Variants in ZNF804B observed in about 807,000 individuals in gnomAD.
ZNF804B encodes the protein zinc finger protein 804B, also known as zinc finger 804B.
ZNF804B carries 80 observed loss-of-function variants against 101.4 expected under a neutral mutation model. The ratio of observed to expected loss-of-function variants is 0.79; its 90% CI spans 0.66 to 0.95. The LOEUF (loss-of-function observed/expected upper bound fraction) is 0.95, where lower values mean the gene tolerates loss of function less well. ZNF804B is among the 40% of genes least tolerant of loss of function. ZNF804B has a pLI of 0.00. For synonymous variants in ZNF804B, 622 were observed against 558.8 expected, an observed-to-expected ratio of 1.11 and a Z score of -1.59; for missense variants, 1,673 against 1,561.9, an observed-to-expected ratio of 1.07 and a Z score of -1.20.
intron 1 of ZNF804B, among the ~76,000 whole-genome samples, chr7:89,139,241 T>A (rs1395963442): frequency 6.6e-6 from 1 of 152,166 alleles, no homozygotes; most frequent in African/African-American, 2.4e-5. Flanking sequence ...TGCTTAAAAT[T>A]GCTAATAATT....
intron 1 of ZNF804B, among the ~76,000 whole-genome samples, chr7:89,158,820 C>T (rs1691925000): frequency 6.6e-6 from 1 of 152,040 alleles, no homozygotes; most frequent in Admixed American, 6.6e-5. Flanking sequence ...CCTTTCTTTA[C>T]CTATCACATT....
intron 1 of ZNF804B, among the ~76,000 whole-genome samples, chr7:88,959,705 A>G (rs142801772): frequency 6.6e-6 from 1 of 151,426 alleles, no homozygotes; most frequent in East Asian, 2.0e-4. Context: ...TCCCACCTCT[A>G]TTGACACAAA....
chr7:88,981,183 T>C (rs1793689084), intron 1 of ZNF804B, among the ~76,000 whole-genome samples: 2 of 152,022 alleles, frequency 1.3e-5, no homozygotes, highest in Non-Finnish European at 2.9e-5. Flanking sequence ...CCACTGACGT[T>C]TATTCAAGGC....
chr7:88,793,046 G>GAA (rs112159815), intron 1 of ZNF804B, among the ~76,000 whole-genome samples: 2 of 148,632 alleles, frequency 1.3e-5, no homozygotes, highest in African/African-American at 4.9e-5. Flanking sequence ...AGCTAAAAAT[G>GAA]AAAAAAAAAT....
intron 1 of ZNF804B, among the ~76,000 whole-genome samples, chr7:89,088,419 T>C (rs1010909862): frequency 2.0e-5 from 3 of 151,938 alleles, no homozygotes; most frequent in Admixed American, 6.6e-5. Flanking sequence ...TAACAAGTTA[T>C]TGCTTATTTG....
At chr7:88,915,141 G>T (rs1051219960) in intron 1 of ZNF804B, among the ~76,000 whole-genome samples, 1 of 151,992 alleles carries the variant, frequency 6.6e-6, no homozygotes, top group African/African-American at 2.4e-5. Context: ...CATTTTAAGA[G>T]AAAATAATTG....
intron 1 of ZNF804B, among the ~76,000 whole-genome samples, chr7:89,085,377 G>A (rs540348370): frequency 7.2e-5 from 11 of 151,930 alleles, no homozygotes; most frequent in South Asian, 2.1e-4. Context: ...ATAGTTTGGG[G>A]CAGAACTCTT....
intron 2 of ZNF804B, among the ~76,000 whole-genome samples, chr7:89,276,458 G>T (rs939129656): frequency 7.9e-5 from 12 of 151,744 alleles, no homozygotes; most frequent in Non-Finnish European, 1.6e-4. Flanking sequence ...TTTATAAGGG[G>T]TTCACTAAAA....
rs371662795 is a variant in ZNF804B, at chr7:89,100,946, G to A, written c.109-117209G>A. Among the ~76,000 whole-genome samples the A allele has an allele frequency of 9.9e-5, 15 of 152,106 alleles. No homozygotes were observed. The East Asian group carries it at 2.9e-3, about 29-fold the overall frequency. ...TATGTGTGTGTGTGTCTGTGTGTATGTGTATATACACAGGTATGTATATAT... is the reference window on the plus strand; with the variant it reads ...TATGTGTGTGTGTGTCTGTGTGTATATGTATATACACAGGTATGTATATAT... On this transcript the variant is annotated intron_variant, in intron 1 of 3. Coordinates refer to ENST00000333190, the MANE Select transcript of ZNF804B (RefSeq NM_181646.5).
chr7:89,251,174 A>G (rs1478328312), intron 2 of ZNF804B, among the ~76,000 whole-genome samples: 1 of 152,180 alleles, frequency 6.6e-6, no homozygotes, highest in Non-Finnish European at 1.5e-5. Flanking sequence ...TGATAATATG[A>G]TTCTATAGCT....
chr7:89,282,953 A>G (rs1790122408), intron 2 of ZNF804B, among the ~76,000 whole-genome samples: 1 of 152,102 alleles, frequency 6.6e-6, no homozygotes, highest in Admixed American at 6.6e-5. Flanking sequence ...GAAAGAATAA[A>G]TTTCTGTTGT....
At chr7:88,801,075 G>A (rs1379835306) in intron 1 of ZNF804B, among the ~76,000 whole-genome samples, 5 of 151,636 alleles carry the variant, frequency 3.3e-5, no homozygotes, top group Non-Finnish European at 7.4e-5. Context: ...ATTTCCATAG[G>A]TTTTTGGGGA....
chr7:89,189,065 C>G lies in ZNF804B; in HGVS notation c.109-29090C>G, dbSNP rs193049187. ...CATAGCTAAAGAGAAGAATTCCTAA[C>G]AGGGGATAATGTGGCTGGTGACTTT... On this transcript the variant is annotated intron_variant, in intron 1 of 3. Transcript: ENST00000333190. Among the ~76,000 whole-genome samples the G allele has an allele frequency of 3.7e-3, 568 of 152,180 alleles. 1 individual carries two copies. The highest frequency in any genetic ancestry group is 0.013 in the African/African-American group (520 of 41,540).
intron 1 of ZNF804B, among the ~76,000 whole-genome samples, chr7:88,854,527 T>TTCCCTTCCCTTCCCTTCCCTTCCC (rs1554340248): frequency 5.0e-5 from 2 of 40,076 alleles, no homozygotes; most frequent in African/African-American, 2.1e-4. Flanking sequence ...CTTTCCTTCC[T>TTCCCTTCCCTTCCCTTCCCTTCCC]TTCCTTCCTT....
At chr7:89,201,040 T>C (rs1311832607) in intron 1 of ZNF804B, among the ~76,000 whole-genome samples, 10 of 152,086 alleles carry the variant, frequency 6.6e-5, no homozygotes, top group Admixed American at 6.6e-4. Flanking sequence ...GCTGACACTC[T>C]TAGGGAAAGC....
At chr7:89,253,164 C>T (rs1789568347) in intron 2 of ZNF804B, among the ~76,000 whole-genome samples, 1 of 152,078 alleles carries the variant, frequency 6.6e-6, no homozygotes, top group South Asian at 2.1e-4. Context: ...GTTTTAAGAG[C>T]TTGCTTTAGA....
At chr7:89,014,170 A>G (rs1387988156) in intron 1 of ZNF804B, among the ~76,000 whole-genome samples, 1 of 152,108 alleles carries the variant, frequency 6.6e-6, no homozygotes, top group Non-Finnish European at 1.5e-5. Flanking sequence ...ATTCCCACCC[A>G]CAGTGTATAA....
At chr7:88,935,109 CAA>C (rs1418778995) in intron 1 of ZNF804B, among the ~76,000 whole-genome samples, 1 of 151,216 alleles carries the variant, frequency 6.6e-6, no homozygotes, top group African/African-American at 2.4e-5. Context: ...TAAAAAGGAA[CAA>C]AAGAATGTCT....
At chr7:89,151,557 T>C (rs1790876674) in intron 1 of ZNF804B, among the ~76,000 whole-genome samples, 1 of 152,152 alleles carries the variant, frequency 6.6e-6, no homozygotes, top group Admixed American at 6.6e-5. Context: ...ATTATTGCCA[T>C]TAAATTTCAT....
Sources: gnomAD v4.1 joint callset for allele counts (sites outside exome capture counted in the v4.1 genomes callset) on GRCh38, gnomAD v4.1.1 for gene constraint, MANE v1.5 for transcripts, NCBI Gene and HGNC (gene_info 2026-07-23, HGNC 2026-07-21) for gene names.